The following RALGPS2 variants were observed in gnomAD, a reference collection of about 807,000 sequenced individuals.
RALGPS2 encodes the protein ras-specific guanine nucleotide-releasing factor RalGPS2.
A neutral mutation model predicts 86.8 loss-of-function variants in RALGPS2; 43 were observed. The observed-to-expected ratio is 0.50, with a 90% CI of 0.39 to 0.64. The LOEUF (loss-of-function observed/expected upper bound fraction) is 0.64, where lower values mean the gene tolerates loss of function less well. Among genes scored for constraint, RALGPS2 ranks in the 30% least tolerant of loss-of-function variants. The pLI, the probability that RALGPS2 is intolerant of heterozygous loss-of-function variation, is 0.00. For synonymous variants in RALGPS2, 243 were observed against 231.3 expected, an observed-to-expected ratio of 1.05 and a Z score of -0.46; for missense variants, 536 against 694.6, an observed-to-expected ratio of 0.77 and a Z score of 2.57.
chr1:178,881,565 C>T (rs1184277776), intron 10 of RALGPS2, among the ~76,000 whole-genome samples: 1 of 152,152 alleles, frequency 6.6e-6, no homozygotes, highest in Non-Finnish European at 1.5e-5. Context: ...ATTCTTCTGC[C>T]TCAGCCTCCC....
At chr1:178,737,808 C>G (rs566815666) in intron 1 of RALGPS2, among the ~76,000 whole-genome samples, 1 of 152,118 alleles carries the variant, frequency 6.6e-6, no homozygotes, top group African/African-American at 2.4e-5. Flanking sequence ...GATAGGGTCT[C>G]ACTCTCTCAC....
Position 178,893,950 on chromosome 1 carries a change from T to G in RALGPS2, c.1357T>G (p.Leu453Val). 6.2e-7 allele frequency: 1 copy of G among 1,608,788 alleles called. No individual in the cohort carries two copies. Among genetic ancestry groups the G allele is most frequent in the Non-Finnish European group, 8.5e-7 (1 of 1,176,768 alleles). The change falls in exon 16 of 20, where the codon TTA (leucine) becomes GTA (valine). Residue 453 changes from leucine to valine, a missense_variant. Physicochemically the swap from Leu to Val is conservative, Grantham distance 32. Transcript: ENST00000367635. The stretch of plus-strand genomic sequence containing the variant: ...AGAATCAGAAGATTTGGCAGTACAT[T>G]TATATCCAGGAGCTGTTACTATTCA... ...SAESEDLAVH[L>V]YPGAVTIQGV...
intron 8 of RALGPS2, among the ~76,000 whole-genome samples, chr1:178,876,350 G>A (rs1659005192): frequency 6.6e-6 from 1 of 152,072 alleles, no homozygotes; most frequent in Non-Finnish European, 1.5e-5. Context: ...AAACGTCTGA[G>A]ATCCAGCTGT....
At chr1:178,773,411 G>T (rs1262078781) in intron 1 of RALGPS2, among the ~76,000 whole-genome samples, 1 of 152,094 alleles carries the variant, frequency 6.6e-6, no homozygotes, top group African/African-American at 2.4e-5. Flanking sequence ...ACAAAGAAAA[G>T]TAAATAAAAT....
chr1:178,733,259 A>G (rs1457889588), intron 1 of RALGPS2, among the ~76,000 whole-genome samples: 1 of 152,228 alleles, frequency 6.6e-6, no homozygotes, highest in South Asian at 2.1e-4. Flanking sequence ...TCATTAAACA[A>G]TACTATTAAG....
At chr1:178,880,925 TA>T (rs1659219734) in intron 10 of RALGPS2, among the ~76,000 whole-genome samples, 3 of 152,204 alleles carry the variant, frequency 2.0e-5, no homozygotes, top group Non-Finnish European at 4.4e-5. Flanking sequence ...ACATATCATA[TA>T]ATGCCTTCAT....
chr1:178,920,380 T>C lies in RALGPS2; in HGVS notation c.*4021T>C, dbSNP rs1447559233. 4 of 152,136 alleles carry C rather than the reference T, an allele frequency of 2.6e-5. No individual in the cohort carries two copies. The South Asian group carries it at 8.3e-4, about 32-fold the overall frequency. 9.4% of individuals were successfully genotyped at this position (152,136 alleles called of 1,614,324 possible). ...GGGAGAAAATTTGGTCAGTGCCTTATTATTTGAAGAGCAATTTTAGGGCAT... is the reference window on the plus strand; with the variant it reads ...GGGAGAAAATTTGGTCAGTGCCTTACTATTTGAAGAGCAATTTTAGGGCAT... On this transcript the variant is annotated 3_prime_UTR_variant, in exon 20 of 20. Coordinates refer to ENST00000367635, the MANE Select transcript of RALGPS2 (RefSeq NM_152663.5).
At chr1:178,761,277 G>A (rs1662856124) in intron 1 of RALGPS2, among the ~76,000 whole-genome samples, 1 of 151,942 alleles carries the variant, frequency 6.6e-6, no homozygotes, top group Admixed American at 6.6e-5. Flanking sequence ...CACCTGGCCT[G>A]ACTTTGTTCA....
At chr1:178,737,544 C>T (rs1457483519) in intron 1 of RALGPS2, among the ~76,000 whole-genome samples, 2 of 152,168 alleles carry the variant, frequency 1.3e-5, no homozygotes, top group Non-Finnish European at 2.9e-5. Flanking sequence ...CCGCACCTGG[C>T]CAGCGCCACC....
In RALGPS2 at chr1:178,920,386, G is replaced by A. The variant is rs1647254740; in HGVS notation, c.*4027G>A. 1 of 151,980 alleles carries A rather than the reference G, an allele frequency of 6.6e-6. No individual in the cohort carries two copies. Among genetic ancestry groups the A allele is most frequent in the African/African-American group, 2.4e-5 (1 of 41,418 alleles). The allele number at this position is 151,980 out of a possible 1,614,324, so 9.4% of individuals were successfully genotyped here. A position where few individuals can be genotyped will look rare whatever the true frequency, so the allele number is the denominator to read the frequency against. ...AAATTTGGTCAGTGCCTTATTATTT[G>A]AAGAGCAATTTTAGGGCATCAAGTA... is the stretch of plus-strand genomic sequence containing the variant. On this transcript the variant is annotated 3_prime_UTR_variant, in exon 20 of 20. Coordinates refer to ENST00000367635, the MANE Select transcript of RALGPS2 (RefSeq NM_152663.5).
intron 8 of RALGPS2, chr1:178,851,353 T>C (rs775656498): frequency 6.3e-7 from 1 of 1,574,842 alleles, no homozygotes. Flanking sequence ...TGTAAAAGTT[T>C]CTTCTAGGTG....
chr1:178,747,951 A>G (rs532659633), intron 1 of RALGPS2, among the ~76,000 whole-genome samples: 1 of 152,394 alleles, frequency 6.6e-6, no homozygotes. Flanking sequence ...GTGAAAGACT[A>G]GAACTCTATA....
intron 1 of RALGPS2, among the ~76,000 whole-genome samples, chr1:178,774,790 A>T (rs2102099506): frequency 6.6e-6 from 1 of 152,340 alleles, no homozygotes; most frequent in East Asian, 1.9e-4. Context: ...TCCTAGCACG[A>T]TGTTCTGCTC....
intron 1 of RALGPS2, among the ~76,000 whole-genome samples, chr1:178,734,357 A>G (rs1205969462): frequency 6.6e-6 from 1 of 152,234 alleles, no homozygotes; most frequent in Non-Finnish European, 1.5e-5. Context: ...CTCCTAGAAC[A>G]GCAGATAGAG....
chr1:178,883,472 A>G lies in RALGPS2; in HGVS notation c.843A>G (p.Ser281=). 1 of 1,611,068 alleles carries G rather than the reference A, an allele frequency of 6.2e-7. No homozygotes were observed. Among genetic ancestry groups the G allele is most frequent in the Non-Finnish European group, 8.5e-7 (1 of 1,177,254 alleles). ...KFVEDDNYKL[S]LKIEPGTSTP... ...TTGTCTTTTTAAAATTCAGGCTTTC[A>G]TTAAAGATAGAACCAGGGACAAGCA... Residue 281 remains serine, a synonymous_variant, in exon 11 of 20, where the codon TCA becomes TCG. Transcript: ENST00000367635.
chr1:178,754,057 C>T (rs1276806056), intron 1 of RALGPS2, among the ~76,000 whole-genome samples: 1 of 151,612 alleles, frequency 6.6e-6, no homozygotes, highest in Non-Finnish European at 1.5e-5. Context: ...ATCCTGACCT[C>T]GTGATCCGCC....
Position 178,916,336 on chromosome 1 carries a change from A to G in RALGPS2, c.1729A>G (p.Thr577Ala), listed in dbSNP as rs1203819239. The G allele has an allele frequency of 3.1e-6, 5 of 1,600,748 alleles. No homozygotes were observed. In the African/African-American group the frequency reaches 5.4e-5, roughly 17 times the overall value. The change falls in exon 20 of 20, where the codon ACA (threonine) becomes GCA (alanine). Residue 577 changes from threonine (T) to alanine (A), a missense_variant. Transcript: ENST00000367635. ...ACQSNKQQVP[T>A]NLMTFE ...TAATGCTTATATTTTTTAGGTTCCT[A>G]CAAACTTGATGACTTTTGAGTAGAA...
intron 13 of RALGPS2, among the ~76,000 whole-genome samples, chr1:178,886,772 GAGAT>G (rs1659501659): frequency 1.3e-5 from 2 of 152,128 alleles, no homozygotes; most frequent in African/African-American, 2.4e-5. Context: ...CTAAAAAGGA[GAGAT>G]CAGTGAAGTA....
intron 8 of RALGPS2, among the ~76,000 whole-genome samples, chr1:178,858,909 G>A (rs986398168): frequency 3.3e-5 from 5 of 152,140 alleles, no homozygotes; most frequent in Non-Finnish European, 7.4e-5. Flanking sequence ...TATGACAGGA[G>A]AAACAGTAAA....
Sources: allele counts gnomAD v4.1 joint callset (sites outside exome capture counted in the v4.1 genomes callset), GRCh38; gene constraint gnomAD v4.1.1; transcripts MANE v1.5; gene names NCBI Gene and HGNC (gene_info 2026-07-23, HGNC 2026-07-21).